TRMO: variants seen among roughly 807,000 people sequenced by gnomAD.
TRMO encodes the protein tRNA methyltransferase O.
TRMO carries 30 observed loss-of-function variants against 37.2 expected under a neutral mutation model. The ratio of observed to expected loss-of-function variants is 0.81; its 90% CI spans 0.60 to 1.09. The LOEUF (loss-of-function observed/expected upper bound fraction) is 1.09. Ranked by LOEUF, TRMO falls within the 50% of genes least tolerant of loss-of-function variation. The probability of loss-of-function intolerance (pLI) is 0.00; values close to 1 mark genes in which losing one functional copy is unlikely to be tolerated. For missense variants in TRMO, 552 were observed against 549.5 expected (o/e 1.00, Z -0.05); for synonymous variants, 239 against 199.4 (o/e 1.20, Z -1.67).
At chr9:97,910,983 G>C (rs1362132310) in intron 3 of TRMO, 1 of 481,566 alleles carries the variant, frequency 2.1e-6, no homozygotes, top group African/African-American at 2.0e-5. Context: ...CCTAGACGCA[G>C]GCAGGCCCCT....
At chr9:97,919,445 A>G (rs1296270134) in intron 1 of TRMO, among the ~76,000 whole-genome samples, 2 of 135,556 alleles carry the variant, frequency 1.5e-5, no homozygotes, top group African/African-American at 2.5e-5. Context: ...AAGGGAAAGA[A>G]AGGAAAGAAA....
In TRMO at chr9:97,910,541, T is replaced by C. The variant is rs1221456138; in HGVS notation, c.485A>G (p.Glu162Gly). Residue 162 changes from glutamate to glycine, a missense_variant, in exon 4 of 5, where the codon GAG (glutamate) becomes GGG (glycine). Glu to Gly is a moderately conservative substitution (Grantham distance 98). Transcript: ENST00000375119. Reference sequence around the variant, plus strand: ...CATCACATTTTGCGGTGAGTCATACTCAGCTATGTAGGGCTTGATGTCTAG... The same window carrying C: ...CATCACATTTTGCGGTGAGTCATACCCAGCTATGTAGGGCTTGATGTCTAG... ...PVLDIKPYIA[E>G]YDSPQNVMEP... 3 of 1,614,212 alleles carry C rather than the reference T, an allele frequency of 1.9e-6. No homozygotes were observed. The highest frequency in any genetic ancestry group is 1.1e-5 in the South Asian group (1 of 91,086).
At chr9:97,921,304 C>T (rs1466781476) in intron 1 of TRMO, among the ~76,000 whole-genome samples, 1 of 152,156 alleles carries the variant, frequency 6.6e-6, no homozygotes, top group Non-Finnish European at 1.5e-5. Context: ...GCCTGTAATC[C>T]CAAAACTTTG....
intron 4 of TRMO, among the ~76,000 whole-genome samples, chr9:97,905,940 G>T (rs1200163270): frequency 1.3e-5 from 2 of 152,174 alleles, no homozygotes; most frequent in African/African-American, 4.8e-5. Context: ...AGGCTCACAA[G>T]GTCAGAAATT....
At chr9:97,920,050 G>T (rs1826554318) in intron 1 of TRMO, among the ~76,000 whole-genome samples, 1 of 152,188 alleles carries the variant, frequency 6.6e-6, no homozygotes, top group East Asian at 1.9e-4. Flanking sequence ...ATTTGAAGCA[G>T]AGACCTGACA....
intron 1 of TRMO, among the ~76,000 whole-genome samples, chr9:97,921,447 G>A (rs1826627150): frequency 1.4e-5 from 2 of 145,750 alleles, no homozygotes; most frequent in Admixed American, 1.4e-4. Flanking sequence ...TTTTTGAGAC[G>A]GAGTCTCGCT....
intron 1 of TRMO, 54 bp downstream of exon 1, chr9:97,922,364 G>A: frequency 3.1e-5 from 39 of 1,270,138 alleles, no homozygotes; most frequent in Non-Finnish European, 4.1e-5. Flanking sequence ...AACGAAGTCC[G>A]CTGCCTGGGC....
downstream of TRMO, among the ~76,000 whole-genome samples, chr9:97,903,950 C>T (rs952580607): frequency 2.0e-4 from 30 of 152,076 alleles, no homozygotes; most frequent in Admixed American, 1.6e-3. Context: ...GGCATGGTGG[C>T]GCACGCCTGT....
At chr9:97,900,769 T>C, downstream of TRMO, 1 of 976,930 alleles carries the variant, frequency 1.0e-6, no homozygotes, top group Non-Finnish European at 1.2e-6. Flanking sequence ...TCTCTTGCTT[T>C]CTCTGGGACT....
At chr9:97,913,632 G>A in intron 2 of TRMO, 74 bp from the exon 3 acceptor site, 4 of 1,020,760 alleles carry the variant, frequency 3.9e-6, no homozygotes, top group East Asian at 2.4e-5. Flanking sequence ...TGATCTGATG[G>A]GGAAAAAAAT....
Position 97,916,172 on chromosome 9 carries a change from A to C in TRMO, c.243T>G (p.Ser81=), listed in dbSNP as rs1826349335. 6.3e-7 allele frequency: 1 copy of C among 1,587,038 alleles called. No individual in the cohort carries two copies. The highest frequency in any genetic ancestry group is 8.6e-7 in the Non-Finnish European group (1 of 1,169,082). The change falls in exon 2 of 5, where the codon TCT becomes TCG. Residue 81 remains serine (S), a synonymous_variant. Transcript: ENST00000375119. The stretch of plus-strand genomic sequence containing the variant: ...ACTATAAAGCAACTTACCAAACATG[A>C]GAAAACTGTTCTAGGCCCATCAAGG... The part of the protein sequence containing the change: ...EHSLMGLEQF[S]HVWILFVFHK...
intron 4 of TRMO, among the ~76,000 whole-genome samples, chr9:97,907,236 C>A (rs1276886555): frequency 6.6e-6 from 1 of 152,188 alleles, no homozygotes; most frequent in South Asian, 2.1e-4. Flanking sequence ...CATGTTGGGG[C>A]TAAAACCAGT....
At chr9:97,912,615 T>C (rs958165757) in intron 3 of TRMO, 1 of 271,258 alleles carries the variant, frequency 3.7e-6, no homozygotes, top group Non-Finnish European at 7.4e-6. Flanking sequence ...CCTGAAAAAG[T>C]AGTTTTAGAA....
rs779533593 is a variant in TRMO at position 97,913,471 on chromosome 9, A to G, written c.339T>C (p.Val113=). The change falls in exon 3 of 5, where the codon GTT becomes GTC. Residue 113 remains valine, a synonymous_variant. Transcript: ENST00000375119. ...PPRLNGAKTG[V]FSTRSPHRPN... ...GACGATGAGGGCTCCTTGTGGAAAA[A>G]ACTCCAGTCTTTGCACCATTCAGCC... 2.5e-6 allele frequency: 4 copies of G among 1,614,016 alleles called. No individual in the cohort carries two copies. In the South Asian group the frequency reaches 4.4e-5, roughly 18 times the overall value.
rs753264881 is a variant in TRMO, at chr9:97,910,126, T to C, written c.900A>G (p.Gly300=). ...CCATGGGCTGTGTCTCTGCCCTGCT[T>C]CCTTGCAAGACTGCTGCTCCTTCCA... The part of the protein sequence containing the change: ...ERVEGAAVLQ[G]SRAETQPMAP... The change falls in exon 4 of 5, where the codon GGA becomes GGG. Residue 300 remains glycine, a synonymous_variant. Coordinates refer to ENST00000375119, the MANE Select transcript of TRMO (RefSeq NM_016481.5). The C allele has an allele frequency of 3.7e-6, 6 of 1,614,034 alleles. No individual in the cohort carries two copies. The highest frequency in any genetic ancestry group is 5.1e-6 in the Non-Finnish European group (6 of 1,180,008).
chr9:97,899,566 G>A (rs997935203), downstream of TRMO, among the ~76,000 whole-genome samples: 1 of 151,812 alleles, frequency 6.6e-6, no homozygotes, highest in African/African-American at 2.4e-5. Flanking sequence ...AGCCTCTTGA[G>A]CCCAGCCTAA....
At position 97,922,484 on chromosome 9, in the gene TRMO, A is replaced by C; in HGVS notation, c.10T>G (p.Leu4Val). 6.3e-7 allele frequency: 1 copy of C among 1,577,574 alleles called. No individual in the cohort carries two copies. The highest frequency in any genetic ancestry group is 8.6e-7 in the Non-Finnish European group (1 of 1,163,406). MRG[L>V]EESGPRPTAT... ...GTAGGCCGAGGCCCCGACTCCTCCA[A>C]GCCGCGCATGGCTACTGGTTGCTGA... The change falls in exon 1 of 5, where the codon TTG becomes GTG. Residue 4 changes from leucine (L) to valine (V), a missense_variant. Leu to Val is a conservative substitution (Grantham distance 32, BLOSUM62 1). Transcript: ENST00000375119.
chr9:97,905,159 A>C (rs1272199916), intron 4 of TRMO, among the ~76,000 whole-genome samples, 167 bp from the exon 5 acceptor site: 2 of 152,166 alleles, frequency 1.3e-5, no homozygotes, highest in Non-Finnish European at 2.9e-5. Flanking sequence ...AGAGGTGTTT[A>C]TTATCATTAG....
At chr9:97,906,945 T>C (rs1295177817) in intron 4 of TRMO, among the ~76,000 whole-genome samples, 1 of 152,040 alleles carries the variant, frequency 6.6e-6, no homozygotes, top group African/African-American at 2.4e-5. Context: ...GTGGTAAGCA[T>C]AAAGTGTCTA....
Sources: allele counts gnomAD v4.1 joint callset (sites outside exome capture counted in the v4.1 genomes callset), GRCh38; gene constraint gnomAD v4.1.1; transcripts MANE v1.5; gene names NCBI Gene and HGNC (gene_info 2026-07-23, HGNC 2026-07-21).